The following TEX30 variants were observed in gnomAD, a reference collection of about 807,000 sequenced individuals.
TEX30 encodes the protein testis expressed 30.
A neutral mutation model predicts 23.8 loss-of-function variants in TEX30; 14 were observed. The ratio of observed to expected loss-of-function variants is 0.59; its 90% CI spans 0.39 to 0.92. TEX30 has a LOEUF of 0.92. Ranked by LOEUF, TEX30 falls within the 40% of genes least tolerant of loss-of-function variation. The pLI, the probability that TEX30 is intolerant of heterozygous loss-of-function variation, is 0.00. For synonymous variants in TEX30, 78 were observed against 90.2 expected (o/e 0.87, Z 0.76); for missense variants, 246 against 270.6 (o/e 0.91, Z 0.64).
At chr13:102,766,670 C>A (rs1483291908) in intron 5 of TEX30, 90 bp from the exon 6 acceptor site, 16 of 1,210,682 alleles carry the variant, frequency 1.3e-5, no homozygotes, top group East Asian at 2.5e-5. Flanking sequence ...GGCATTCATT[C>A]CCAAGTATTC....
intron 1 of TEX30, among the ~76,000 whole-genome samples, chr13:102,772,036 T>G (rs1253164834): frequency 6.6e-6 from 1 of 152,190 alleles, no homozygotes; most frequent in Non-Finnish European, 1.5e-5. Flanking sequence ...TTGCTGGAGG[T>G]TCATGTTTGT....
chr13:102,766,647 C>T (rs1000379584), intron 5 of TEX30, 67 bp from the exon 6 acceptor site: 373 of 1,446,510 alleles, frequency 2.6e-4, no homozygotes, highest in Non-Finnish European at 1.8e-4. Context: ...GTCCTCTCTC[C>T]CCTGCCTATA....
chr13:102,769,388 G>A lies in TEX30; in HGVS notation c.169C>T (p.His57Tyr). The A allele has an allele frequency of 1.2e-6, 2 of 1,607,876 alleles. No homozygotes were observed. The highest frequency in any genetic ancestry group is 1.7e-6 in the Non-Finnish European group (2 of 1,178,024). The change falls in exon 3 of 6, where the codon CAT becomes TAT. Residue 57 changes from histidine to tyrosine, a missense_variant. By Grantham distance (83) the His-to-Tyr change is moderately conservative (BLOSUM62 2). Coordinates refer to ENST00000376032, the MANE Select transcript of TEX30 (RefSeq NM_138779.5). ...LMSLASHLAS[H>Y]GFFCLRFTCK... is the part of the protein sequence containing the mutation. ...GTAAATCTCAGGCAGAAAAACCCAT[G>A]AGATGCAAGATGGGATGCCAGTGAC... is the stretch of plus-strand genomic sequence containing the variant.
In TEX30 at chr13:102,770,085, C is replaced by T; in HGVS notation, c.-59G>A. ...TACATCTGAGAAGCAAAGGACATCT[C>T]CCTGAAAAGAAGATTCTGTTGTGAA... is the stretch of plus-strand genomic sequence containing the variant. On this transcript the variant is annotated splice_region_variant and 5_prime_UTR_variant, in exon 2 of 6. Coordinates refer to ENST00000376032, the MANE Select transcript of TEX30 (RefSeq NM_138779.5). The T allele has an allele frequency of 8.1e-7, 1 of 1,232,086 alleles. No individual in the cohort carries two copies. Among genetic ancestry groups the T allele is most frequent in the Admixed American group, 3.8e-5 (1 of 26,666 alleles). The allele number at this position is 1,232,086 out of a possible 1,614,324, so 76.3% of individuals were successfully genotyped here. A position where few individuals can be genotyped will look rare whatever the true frequency, so the allele number is the denominator to read the frequency against.
chr13:102,770,591 T>G (rs1877252220), intron 1 of TEX30: 1 of 152,248 alleles, frequency 6.6e-6, no homozygotes, highest in African/African-American at 2.4e-5. Context: ...TAACTTGTTT[T>G]AACTAATGGA....
At chr13:102,768,362 GAA>G (rs761166324) in intron 3 of TEX30, 51 bp from the exon 4 acceptor site, 1 of 1,291,778 alleles carries the variant, frequency 7.7e-7, no homozygotes, top group African/African-American at 1.5e-5. Flanking sequence ...TATTCCACTG[GAA>G]AGGCAAGATA....
intron 4 of TEX30, 131 bp from the exon 5 acceptor site, chr13:102,767,609 C>T: frequency 1.0e-6 from 1 of 992,414 alleles, no homozygotes; most frequent in South Asian, 1.6e-5. Context: ...CAAAAGGCAG[C>T]AATTAACAAG....
chr13:102,770,055 G>C lies in TEX30; in HGVS notation c.-29C>G. On this transcript the variant is annotated 5_prime_UTR_variant, in exon 2 of 6. Transcript: ENST00000376032. ...CACTGTTGAATAACAAACTTAAAGTGCATTTACATCTGAGAAGCAAAGGAC... is the reference window on the plus strand; with the variant it reads ...CACTGTTGAATAACAAACTTAAAGTCCATTTACATCTGAGAAGCAAAGGAC... The C allele has an allele frequency of 7.3e-7, 1 of 1,362,500 alleles. No homozygotes were observed. The highest frequency in any genetic ancestry group is 9.5e-7 in the Non-Finnish European group (1 of 1,048,114). 84.4% of individuals were successfully genotyped at this position (1,362,500 alleles called of 1,614,324 possible). A position where few individuals can be genotyped will look rare whatever the true frequency, so the allele number is the denominator to read the frequency against.
At chr13:102,769,908 C>T in intron 2 of TEX30, 104 bp downstream of exon 2, 1 of 1,007,552 alleles carries the variant, frequency 9.9e-7, no homozygotes, top group Non-Finnish European at 1.4e-6. Context: ...TGCTATACTG[C>T]CTCCCACAGT....
At position 102,766,323 on chromosome 13, in the gene TEX30, T is replaced by C; in HGVS notation, c.*78A>G. The C allele has an allele frequency of 8.2e-7, 1 of 1,226,306 alleles. No homozygotes were observed. Among genetic ancestry groups the C allele is most frequent in the East Asian group, 2.4e-5 (1 of 41,588 alleles). The allele number at this position is 1,226,306 out of a possible 1,614,324, so 76.0% of individuals were successfully genotyped here. A position where few individuals can be genotyped will look rare whatever the true frequency, so the allele number is the denominator to read the frequency against. ...TAAAGAACATCAAATTAGTCTGAAATATATCTCACAATGCTGAGAGGCATA... is the reference window on the plus strand; with the variant it reads ...TAAAGAACATCAAATTAGTCTGAAACATATCTCACAATGCTGAGAGGCATA... On this transcript the variant is annotated 3_prime_UTR_variant, in exon 6 of 6. Coordinates refer to ENST00000376032, the MANE Select transcript of TEX30 (RefSeq NM_138779.5).
At chr13:102,771,842 C>T (rs1877344294) in intron 1 of TEX30, among the ~76,000 whole-genome samples, 1 of 152,248 alleles carries the variant, frequency 6.6e-6, no homozygotes, top group Admixed American at 6.5e-5. Flanking sequence ...CCTAAATCAT[C>T]TTTCTTTAAG....
chr13:102,765,928 G>C lies in TEX30; in HGVS notation c.*473C>G, dbSNP rs1327107187. 6.6e-6 allele frequency: 1 copy of C among 151,882 alleles called. No individual in the cohort carries two copies. Among genetic ancestry groups the C allele is most frequent in the African/African-American group, 2.4e-5 (1 of 41,306 alleles). The allele number at this position is 151,882 out of a possible 1,614,324, so 9.4% of individuals were successfully genotyped here. ...TTATTTCATTCTAAAAAATCTTCAG[G>C]GTCCCCATATTTGAAACATATGTCC... On this transcript the variant is annotated 3_prime_UTR_variant, in exon 6 of 6. Coordinates refer to ENST00000376032, the MANE Select transcript of TEX30 (RefSeq NM_138779.5).
chr13:102,770,972 A>G (rs1877275663), intron 1 of TEX30: 1 of 152,228 alleles, frequency 6.6e-6, no homozygotes, highest in African/African-American at 2.4e-5. Context: ...ACATTTATTT[A>G]TTCATTCATT....
rs772692993 is a variant in TEX30 at position 102,767,317 on chromosome 13, G to C, written c.460C>G (p.Pro154Ala). 3 of 1,613,858 alleles carry C rather than the reference G, an allele frequency of 1.9e-6. No individual in the cohort carries two copies. Among genetic ancestry groups the C allele is most frequent in the Non-Finnish European group, 2.5e-6 (3 of 1,180,036 alleles). ...RDEDLFRLKE[P>A]VLFVSGSADE... Reference sequence around the variant, plus strand: ...GCTGAGCCTGACACAAACAGTACAGGCTCTTTTAAACGAAAGAGGTCTTCA... The same window carrying C: ...GCTGAGCCTGACACAAACAGTACAGCCTCTTTTAAACGAAAGAGGTCTTCA... Residue 154 changes from proline (P) to alanine (A), a missense_variant, in exon 5 of 6, where the codon CCT becomes GCT. Transcript: ENST00000376032.
chr13:102,769,868 T>G, intron 2 of TEX30, 144 bp downstream of exon 2: 1 of 657,354 alleles, frequency 1.5e-6, no homozygotes, highest in Non-Finnish European at 2.3e-6. Flanking sequence ...CAGGGTAGTC[T>G]GCTCTAGATT....
rs1056325779 is a variant in TEX30, at chr13:102,773,755, G to A, written c.-134C>T. ...CAGGGAGCTGACTAGCGCGCTCGAA[G>A]CGACCGCCTCGCCTGCCCCGCCACA... On this transcript the variant is annotated 5_prime_UTR_variant, in exon 1 of 6. Transcript: ENST00000376032. 6.6e-6 allele frequency: 1 copy of A among 152,090 alleles called. No individual in the cohort carries two copies. The highest frequency in any genetic ancestry group is 2.4e-5 in the African/African-American group (1 of 41,434). The allele number at this position is 152,090 out of a possible 1,614,324, so 9.4% of individuals were successfully genotyped here.
At chr13:102,767,568 T>A in intron 4 of TEX30, 90 bp from the exon 5 acceptor site, 1 of 1,304,186 alleles carries the variant, frequency 7.7e-7, no homozygotes, top group Non-Finnish European at 1.1e-6. Context: ...CTTTTACTGT[T>A]CATCATATCT....
chr13:102,772,964 C>T (rs1289497541), intron 1 of TEX30, among the ~76,000 whole-genome samples: 1 of 152,244 alleles, frequency 6.6e-6, no homozygotes, highest in East Asian at 1.9e-4. Flanking sequence ...GTGAAGATGA[C>T]CGGCTAGAGG....
In TEX30 at chr13:102,769,423, G is replaced by A; in HGVS notation, c.134C>T (p.Pro45Leu). The A allele has an allele frequency of 6.2e-7, 1 of 1,610,928 alleles. No individual in the cohort carries two copies. The highest frequency in any genetic ancestry group is 8.5e-7 in the Non-Finnish European group (1 of 1,178,966). ...ATGGGATGCCAGTGACATCAAATGAGGAAGATTCATATCTCCTGATGCTCC... is the reference window on the plus strand; with the variant it reads ...ATGGGATGCCAGTGACATCAAATGAAGAAGATTCATATCTCCTGATGCTCC... ...THGASGDMNL[P>L]HLMSLASHLA... Residue 45 changes from proline to leucine, a missense_variant, in exon 3 of 6, where the codon CCT becomes CTT. By Grantham distance (98) the Pro-to-Leu change is moderately conservative (BLOSUM62 -3). Coordinates refer to ENST00000376032, the MANE Select transcript of TEX30 (RefSeq NM_138779.5).
Sources: gnomAD v4.1 joint callset for allele counts (sites outside exome capture counted in the v4.1 genomes callset) on GRCh38, gnomAD v4.1.1 for gene constraint, MANE v1.5 for transcripts, NCBI Gene and HGNC (gene_info 2026-07-23, HGNC 2026-07-21) for gene names.